FBXW4: variants seen among roughly 807,000 people sequenced by gnomAD.
FBXW4 encodes F-box and WD repeat domain containing 4.
A neutral mutation model predicts 61.8 loss-of-function variants in FBXW4; 40 were observed. The observed-to-expected ratio is 0.65, with a 90% CI of 0.50 to 0.84. The LOEUF (loss-of-function observed/expected upper bound fraction) is 0.84, where lower values mean the gene tolerates loss of function less well. Among genes scored for constraint, FBXW4 ranks in the 40% least tolerant of loss-of-function variants. The pLI is 0.00. For missense variants in FBXW4, 672 were observed against 753.8 expected (o/e 0.89, Z 1.27); for synonymous variants, 311 against 313.8 (o/e 0.99, Z 0.10).
intron 1 of FBXW4, among the ~76,000 whole-genome samples, chr10:101,693,709 GAA>G (rs540877261): frequency 6.6e-6 from 1 of 152,262 alleles, no homozygotes; most frequent in East Asian, 1.9e-4. Context: ...AAGTGGTTCA[GAA>G]AAGTTTTTCA....
chr10:101,638,360 T>A (rs2064022367), intron 5 of FBXW4, among the ~76,000 whole-genome samples: 1 of 152,042 alleles, frequency 6.6e-6, no homozygotes, highest in African/African-American at 2.4e-5. Context: ...GCAGAACAAA[T>A]GTATAATGTG....
chr10:101,648,669 C>T (rs1280759105), intron 5 of FBXW4, among the ~76,000 whole-genome samples: 2 of 152,182 alleles, frequency 1.3e-5, no homozygotes, highest in Non-Finnish European at 2.9e-5. Flanking sequence ...AGCCTTTCCC[C>T]GGCCCATGAG....
chr10:101,648,317 G>C (rs2064117912), intron 5 of FBXW4, among the ~76,000 whole-genome samples: 1 of 152,180 alleles, frequency 6.6e-6, no homozygotes, highest in African/African-American at 2.4e-5. Flanking sequence ...AGATGATTGA[G>C]ATTTTCTACC....
intron 1 of FBXW4, among the ~76,000 whole-genome samples, chr10:101,684,465 T>C (rs1439735802): frequency 6.6e-6 from 1 of 152,192 alleles, no homozygotes; most frequent in African/African-American, 2.4e-5. Context: ...AGATGGGGTT[T>C]CACCATGTTG....
intron 3 of FBXW4, 26 bp from the exon 4 acceptor site, chr10:101,673,073 C>A: frequency 6.2e-7 from 1 of 1,603,404 alleles, no homozygotes; most frequent in Admixed American, 1.8e-5. Flanking sequence ...GGAGCCGACC[C>A]CCAAGAACCA....
intron 5 of FBXW4, among the ~76,000 whole-genome samples, chr10:101,636,744 C>T (rs2064004995): frequency 1.3e-5 from 2 of 152,034 alleles, no homozygotes; most frequent in Non-Finnish European, 2.9e-5. Flanking sequence ...CCTGCCACCA[C>T]ACCTGGCTAA....
At position 101,694,657 on chromosome 10, in the gene FBXW4, G is replaced by A. The variant is rs1327959855; in HGVS notation, c.449C>T (p.Ala150Val). ...CGCCGCCATGGCCACCCCTGTCCCC[G>A]CGATGTCGGCCCAAGCCTGACCCCC... ...GRGGQAWADI[A>V]GTGVAMAAAA... The change falls in exon 1 of 9, where the codon GCG becomes GTG. Residue 150 changes from alanine to valine, a missense_variant. Physicochemically the swap from Ala to Val is moderately conservative, Grantham distance 64. Coordinates refer to ENST00000331272, the MANE Select transcript of FBXW4 (RefSeq NM_022039.4). This position sits in a 1 kb window ranked among gnomAD's most constrained non-coding sequence, Gnocchi z 6.0. The A allele has an allele frequency of 2.1e-6, 3 of 1,410,196 alleles. No individual in the cohort carries two copies. Among genetic ancestry groups the A allele is most frequent in the Non-Finnish European group, 9.2e-7 (1 of 1,092,472 alleles). The allele number at this position is 1,410,196 out of a possible 1,614,324, so 87.4% of individuals were successfully genotyped here.
chr10:101,645,690 C>T (rs953503649), intron 5 of FBXW4, among the ~76,000 whole-genome samples: 2 of 152,252 alleles, frequency 1.3e-5, no homozygotes, highest in Admixed American at 6.5e-5. Context: ...TTCATATAGG[C>T]TTGCCCTTAG....
chr10:101,683,706 A>C (rs1055668527), intron 1 of FBXW4, among the ~76,000 whole-genome samples: 3 of 152,160 alleles, frequency 2.0e-5, no homozygotes, highest in Non-Finnish European at 4.4e-5. Flanking sequence ...AATCTCTGAG[A>C]TCAGAAAACT....
At chr10:101,646,700 G>A (rs746121050) in intron 5 of FBXW4, among the ~76,000 whole-genome samples, 2 of 152,224 alleles carry the variant, frequency 1.3e-5, no homozygotes, top group Non-Finnish European at 2.9e-5. Context: ...CCCAAAGGAG[G>A]CTGGAGAGAG....
At chr10:101,626,862 G>A (rs1025572914) in intron 5 of FBXW4, 1 of 152,308 alleles carries the variant, frequency 6.6e-6, no homozygotes, top group Non-Finnish European at 1.5e-5. Context: ...AATCAATAGA[G>A]AGGGGAGCAA....
intron 5 of FBXW4, among the ~76,000 whole-genome samples, chr10:101,632,195 T>C (rs953643325): frequency 2.0e-5 from 3 of 151,900 alleles, no homozygotes; most frequent in African/African-American, 4.8e-5. Flanking sequence ...CCAGTACACA[T>C]ACCACACATA....
chr10:101,691,359 G>T (rs747541668), intron 1 of FBXW4, among the ~76,000 whole-genome samples: 2 of 152,142 alleles, frequency 1.3e-5, no homozygotes, highest in Non-Finnish European at 2.9e-5. Context: ...TCCACCTGCT[G>T]TAACACGCAT....
intron 5 of FBXW4, among the ~76,000 whole-genome samples, chr10:101,662,675 C>CT (rs1293153438): frequency 4.6e-5 from 7 of 151,906 alleles, no homozygotes; most frequent in Non-Finnish European, 8.8e-5. Flanking sequence ...TGCTAAGCAC[C>CT]TTTTTTTTCT....
chr10:101,630,747 C>T (rs1158369925), intron 5 of FBXW4, among the ~76,000 whole-genome samples: 1 of 151,884 alleles, frequency 6.6e-6, no homozygotes, highest in East Asian at 1.9e-4. Context: ...TGTGAGACAA[C>T]CAGTTCCTAA....
chr10:101,694,735 C>G lies in FBXW4; in HGVS notation c.371G>C (p.Arg124Thr), dbSNP rs1215286599. 3 of 1,368,082 alleles carry G rather than the reference C, an allele frequency of 2.2e-6. No individual in the cohort carries two copies. Among genetic ancestry groups the G allele is most frequent in the Non-Finnish European group, 2.8e-6 (3 of 1,068,814 alleles). The allele number at this position is 1,368,082 out of a possible 1,614,324, so 84.7% of individuals were successfully genotyped here. The change falls in exon 1 of 9, where the codon AGG becomes ACG. Residue 124 changes from arginine (R) to threonine (T), a missense_variant. Physicochemically the swap from Arg to Thr is moderately conservative, Grantham distance 71. Coordinates refer to ENST00000331272, the MANE Select transcript of FBXW4 (RefSeq NM_022039.4). This position sits in a 1 kb window ranked among gnomAD's most constrained non-coding sequence, Gnocchi z 6.0. Reference sequence around the variant, plus strand: ...GCCCTCCCGCCGCCTAGCCCTGACCCTCCATTCCTCCTTCTTCCCATACTC... The same window carrying G: ...GCCCTCCCGCCGCCTAGCCCTGACCGTCCATTCCTCCTTCTTCCCATACTC... Reference protein sequence around the residue: ...GREYGKKEEWRVRARRREGAR... With the variant: ...GREYGKKEEWTVRARRREGAR...
At chr10:101,650,601 G>A (rs2064137613) in intron 5 of FBXW4, among the ~76,000 whole-genome samples, 1 of 152,232 alleles carries the variant, frequency 6.6e-6, no homozygotes, top group Admixed American at 6.5e-5. Flanking sequence ...GTGTGCTCGA[G>A]CATCCCAAGG....
intron 6 of FBXW4, among the ~76,000 whole-genome samples, chr10:101,617,230 AGGGGT>A (rs2063832107): frequency 6.6e-6 from 1 of 152,164 alleles, no homozygotes; most frequent in African/African-American, 2.4e-5. Flanking sequence ...ATGAAGGCGC[AGGGGT>A]CACGCACCTA....
chr10:101,623,465 T>A (rs947540849), intron 6 of FBXW4, among the ~76,000 whole-genome samples: 3 of 152,246 alleles, frequency 2.0e-5, no homozygotes, highest in African/African-American at 7.2e-5. Context: ...GTGAAGAAAT[T>A]GGATCTCTCA....
Sources: gnomAD v4.1 joint callset for allele counts (sites outside exome capture counted in the v4.1 genomes callset) on GRCh38, gnomAD v4.1.1 for gene constraint, Gnocchi (gnomAD v3.1) non-coding constraint, MANE v1.5 for transcripts, NCBI Gene and HGNC (gene_info 2026-07-23, HGNC 2026-07-21) for gene names.